The following LETM2 variants were observed in gnomAD, a reference collection of about 807,000 sequenced individuals.
LETM2 encodes leucine zipper and EF-hand containing transmembrane protein 2, also known as LETM1 domain-containing protein LETM2, mitochondrial.
Under a neutral mutation model 59.6 loss-of-function variants are expected in LETM2, and 58 were observed. The ratio of observed to expected loss-of-function variants is 0.97; its 90% CI spans 0.79 to 1.21. The LOEUF (loss-of-function observed/expected upper bound fraction) is 1.21, where lower values mean the gene tolerates loss of function less well. LETM2 is among the 50% of genes most tolerant of loss of function. LETM2 has a pLI of 0.00. For missense variants in LETM2, 572 were observed against 575.7 expected, an observed-to-expected ratio of 0.99 and a Z score of 0.07; for synonymous variants, 199 against 214.1, an observed-to-expected ratio of 0.93 and a Z score of 0.62.
At chr8:38,393,058 A>G (rs1257589003) in intron 3 of LETM2, 63 bp downstream of exon 3, 77 of 1,352,314 alleles carry the variant, frequency 5.7e-5, no homozygotes, top group Non-Finnish European at 7.6e-5. Context: ...TGGGAACTCA[A>G]CTATTTAAAT....
Position 38,403,194 on chromosome 8 carries a change from T to G in LETM2, c.1104+550T>G, listed in dbSNP as rs140838868. 3.3e-5 allele frequency among the ~76,000 whole-genome samples: 5 copies of G among 152,326 alleles called. No homozygotes were observed. In the East Asian group the frequency reaches 9.6e-4, roughly 29 times the overall value. ...CTAGCCCCAGATTTAAGGTCTCATG[T>G]GATTGGTGAGGCCCATCCAAAGAAT... On this transcript the variant is annotated intron_variant, in intron 7 of 10. Coordinates refer to ENST00000379957, the MANE Select transcript of LETM2 (RefSeq NM_001286819.2).
In LETM2 at chr8:38,391,922, C is replaced by T. The variant is rs1459724883; in HGVS notation, c.48-620C>T. ...GGCCAGGCTGGTCTTGAACTCCTGACCTCAGGTGATCCACCTGCCTTGGCC... is the reference window on the plus strand; with the variant it reads ...GGCCAGGCTGGTCTTGAACTCCTGATCTCAGGTGATCCACCTGCCTTGGCC... On this transcript the variant is annotated intron_variant, in intron 2 of 10. Coordinates refer to ENST00000379957, the MANE Select transcript of LETM2 (RefSeq NM_001286819.2). Among the ~76,000 whole-genome samples the T allele has an allele frequency of 3.3e-5, 5 of 151,496 alleles. No individual in the cohort carries two copies. In the East Asian group the frequency reaches 9.9e-4, roughly 30 times the overall value.
At chr8:38,390,690 T>C (rs1004656515) in intron 2 of LETM2, among the ~76,000 whole-genome samples, 1 of 150,604 alleles carries the variant, frequency 6.6e-6, no homozygotes, top group African/African-American at 2.4e-5. Flanking sequence ...TTTTTGTTTT[T>C]TGTTTTTTTG....
chr8:38,407,997 AAG>A (rs1423802134), intron 10 of LETM2: 2 of 508,096 alleles, frequency 3.9e-6, no homozygotes, highest in African/African-American at 3.9e-5. Context: ...AGAATCTATG[AAG>A]ACACAGATGG....
chr8:38,407,823 G>A (rs571148806), intron 10 of LETM2, among the ~76,000 whole-genome samples: 5 of 152,330 alleles, frequency 3.3e-5, no homozygotes, highest in Admixed American at 1.3e-4. Context: ...CCAGAGAAAT[G>A]CATGTAAATA....
rs1409080033 is a variant in LETM2 at position 38,408,217 on chromosome 8, C to G, written c.1419C>G (p.Leu473=). The part of the protein sequence containing the change: ...GPITSSEEPT[L]QAKSQMTAQN... The stretch of plus-strand genomic sequence containing the variant: ...TCCTTGTTTTTTACGCCTAGACACT[C>G]CAGGCCAAATCACAAATGACGGCCC... Residue 473 remains leucine, a synonymous_variant, in exon 11 of 11, where the codon CTC becomes CTG. Coordinates refer to ENST00000379957, the MANE Select transcript of LETM2 (RefSeq NM_001286819.2). 1.2e-6 allele frequency: 2 copies of G among 1,612,554 alleles called. No homozygotes were observed. Among genetic ancestry groups the G allele is most frequent in the East Asian group, 2.2e-5 (1 of 44,896 alleles).
At chr8:38,394,301 A>G (rs1812517916) in intron 4 of LETM2, 60 bp downstream of exon 4, 12 of 1,057,466 alleles carry the variant, frequency 1.1e-5, no homozygotes, top group Non-Finnish European at 1.5e-5. Flanking sequence ...TTTTAGGTTT[A>G]CAGAAAACTT....
At position 38,387,934 on chromosome 8, in the gene LETM2, TACTC is replaced by T. The variant is rs1368183916; in HGVS notation, c.-34-15_-34-12del. The T allele has an allele frequency of 9.1e-6, 9 of 989,450 alleles. No individual in the cohort carries two copies. The East Asian group carries it at 1.8e-4, about 20-fold the overall frequency. The allele number at this position is 989,450 out of a possible 1,614,324, so 61.3% of individuals were successfully genotyped here. A position where few individuals can be genotyped will look rare whatever the true frequency, so the allele number is the denominator to read the frequency against. On this transcript the variant is annotated splice_polypyrimidine_tract_variant and intron_variant, in intron 1 of 10. Transcript: ENST00000379957. ...TTTTTAAACTACTAAATTGTTTACT[TACTC>T]CTTTTGCCTAGGTCCCTATGTTAAC...
At chr8:38,408,017 C>G in intron 10 of LETM2, 195 bp from the exon 11 acceptor site, 1 of 531,308 alleles carries the variant, frequency 1.9e-6, no homozygotes, top group Non-Finnish European at 3.4e-6. Flanking sequence ...TGGGGTAAGC[C>G]CAGAAAAGCA....
chr8:38,405,246 C>T (rs1336236639), intron 8 of LETM2, among the ~76,000 whole-genome samples: 3 of 152,136 alleles, frequency 2.0e-5, no homozygotes, highest in Admixed American at 2.0e-4. Context: ...TGTCTTTCAA[C>T]TCATTTCCTT....
chr8:38,404,454 T>C lies in LETM2; in HGVS notation c.1166T>C (p.Phe389Ser), dbSNP rs771980736. The C allele has an allele frequency of 1.2e-6, 2 of 1,614,102 alleles. No individual in the cohort carries two copies. The highest frequency in any genetic ancestry group is 2.2e-5 in the South Asian group (2 of 91,076). The change falls in exon 8 of 11, where the codon TTC (phenylalanine) becomes TCC (serine). Residue 389 changes from phenylalanine (F) to serine (S), a missense_variant. Physicochemically the swap from Phe to Ser is radical, Grantham distance 155 (BLOSUM62 -2). Coordinates refer to ENST00000379957, the MANE Select transcript of LETM2 (RefSeq NM_001286819.2). ...PPSLLLLSRT[F>S]YLIDVKPKPI... ...TCCCTTTTGCTCCTGTCCCGCACCT[T>C]CTACCTGATAGATGTGAAGCCCAAG...
rs768090246 is a variant in LETM2, at chr8:38,400,304, G to T, written c.678G>T (p.Lys226Asn). 5 of 1,612,960 alleles carry T rather than the reference G, an allele frequency of 3.1e-6. No homozygotes were observed. In the South Asian group the frequency reaches 4.4e-5, roughly 14 times the overall value. ...EEKQKKKMAV[K>N]LELAKFLQET... ...AACAGAAAAAGAAAATGGCTGTAAA[G>T]TTGGAACTAGCAAAATTTCTTCAAG... Residue 226 changes from lysine (K) to asparagine (N), a missense_variant, in exon 5 of 11, where the codon AAG becomes AAT. Transcript: ENST00000379957.
chr8:38,402,362 A>T (rs1813300812), intron 6 of LETM2, among the ~76,000 whole-genome samples, 163 bp from the exon 7 acceptor site: 1 of 152,194 alleles, frequency 6.6e-6, no homozygotes, highest in African/African-American at 2.4e-5. Flanking sequence ...CAGGATTCCC[A>T]TTATTTCAAC....
rs747325319 is a variant in LETM2, at chr8:38,392,910, T to A, written c.416T>A (p.Leu139Ter). 1.2e-6 allele frequency: 2 copies of A among 1,613,534 alleles called. No individual in the cohort carries two copies. Among genetic ancestry groups the A allele is most frequent in the East Asian group, 4.5e-5 (2 of 44,894 alleles). The change falls in exon 3 of 11, where the codon TTA becomes TAA. Residue 139 changes from leucine to a stop codon, truncating the protein, a stop_gained. Transcript: ENST00000379957. LOFTEE classifies it high-confidence loss of function. Reference protein sequence around the residue: ...ELKYYYNGFYLLWIDAKVAAR... With the variant: ...ELKYYYNGFY ...AAATATTATTACAATGGATTCTACT[T>A]ACTTTGGATTGACGCCAAAGTTGCT...
At chr8:38,402,678 C>T in intron 7 of LETM2, 34 bp downstream of exon 7, 2 of 1,609,672 alleles carry the variant, frequency 1.2e-6, no homozygotes, top group East Asian at 2.2e-5. Flanking sequence ...GTCCTCTTCC[C>T]TAGAACTCTC....
In LETM2 at chr8:38,408,932, A is replaced by G. The variant is rs1225070705; in HGVS notation, c.*658A>G. 2 of 152,228 alleles carry G rather than the reference A, an allele frequency of 1.3e-5. No individual in the cohort carries two copies. Among genetic ancestry groups the G allele is most frequent in the African/African-American group, 4.8e-5 (2 of 41,440 alleles). 9.4% of individuals were successfully genotyped at this position (152,228 alleles called of 1,614,324 possible). A position where few individuals can be genotyped will look rare whatever the true frequency, so the allele number is the denominator to read the frequency against. ...CGAGGCAGCCACTCTTCTAGCACATATGGCTTTCATTAGCCACCATTTTGC... is the reference window on the plus strand; with the variant it reads ...CGAGGCAGCCACTCTTCTAGCACATGTGGCTTTCATTAGCCACCATTTTGC... On this transcript the variant is annotated 3_prime_UTR_variant, in exon 11 of 11. Coordinates refer to ENST00000379957, the MANE Select transcript of LETM2 (RefSeq NM_001286819.2).
chr8:38,406,310 A>T (rs1002969148), intron 8 of LETM2, among the ~76,000 whole-genome samples: 2 of 152,232 alleles, frequency 1.3e-5, no homozygotes, highest in African/African-American at 4.8e-5. Flanking sequence ...GCTATTAGAA[A>T]ATAACTGAGG....
chr8:38,382,746 G>A (rs1811631117), upstream of LETM2: 1 of 152,350 alleles, frequency 6.6e-6, no homozygotes, highest in Admixed American at 6.5e-5. This position sits in a 1 kb window ranked among gnomAD's most constrained non-coding sequence, Gnocchi z 4.2. Flanking sequence ...CAGTCCAGGC[G>A]ACCCCTCGGC....
At chr8:38,387,810 GA>G in intron 1 of LETM2, 139 bp from the exon 2 acceptor site, 1 of 549,196 alleles carries the variant, frequency 1.8e-6, no homozygotes, top group South Asian at 2.4e-5. Flanking sequence ...CTGATTGTTG[GA>G]AATGAGCTTG....
Sources: allele counts gnomAD v4.1 joint callset (sites outside exome capture counted in the v4.1 genomes callset), GRCh38; gene constraint gnomAD v4.1.1; non-coding constraint Gnocchi (gnomAD v3.1); transcripts MANE v1.5; gene names NCBI Gene and HGNC (gene_info 2026-07-23, HGNC 2026-07-21).